Variants in PRC1 observed in about 807,000 individuals in gnomAD.
The protein encoded by PRC1 is protein regulator of cytokinesis 1.
A neutral mutation model predicts 91.2 loss-of-function variants in PRC1; 54 were observed. The ratio of observed to expected loss-of-function variants is 0.59; its 90% CI spans 0.48 to 0.74. The LOEUF is 0.74. Ranked by LOEUF, PRC1 falls within the 30% of genes least tolerant of loss-of-function variation. The pLI is 0.00. For synonymous variants in PRC1, 275 were observed against 263.6 expected, an observed-to-expected ratio of 1.04 and a Z score of -0.42; for missense variants, 727 against 746.2, an observed-to-expected ratio of 0.97 and a Z score of 0.30.
At chr15:90,985,544 AATTT>A (rs1449480070) in intron 1 of PRC1, among the ~76,000 whole-genome samples, 2 of 140,332 alleles carry the variant, frequency 1.4e-5, no homozygotes, top group Admixed American at 1.4e-4. Context: ...TTATTTAATT[AATTT>A]ATTTATTTTT....
At chr15:90,976,593 G>C (rs1050978913) in intron 9 of PRC1, 83 bp downstream of exon 9, 1 of 1,167,808 alleles carries the variant, frequency 8.6e-7, no homozygotes, top group Non-Finnish European at 1.3e-6. Flanking sequence ...TAGTTTTGGG[G>C]CTAAACAATA....
intron 1 of PRC1, among the ~76,000 whole-genome samples, chr15:90,986,668 A>G (rs894014677): frequency 2.7e-5 from 4 of 150,264 alleles, no homozygotes; most frequent in African/African-American, 9.9e-5. Flanking sequence ...CATGATATGG[A>G]TAAAGCTCAA....
chr15:90,967,442 T>G, intron 14 of PRC1: 1 of 543,098 alleles, frequency 1.8e-6, no homozygotes, highest in Non-Finnish European at 3.3e-6. Context: ...CAGTCCATTC[T>G]GTTACACCTC....
chr15:90,972,752 GTCCTC>G (rs960408646), intron 11 of PRC1: 4 of 149,824 alleles, frequency 2.7e-5, no homozygotes, highest in African/African-American at 1.0e-4. Flanking sequence ...AAAAAAAAAA[GTCCTC>G]TCTGACTGTG....
rs150387377 is a variant in PRC1, at chr15:90,983,009, G to A, written c.267+1009C>T. On this transcript the variant is annotated intron_variant, in intron 3 of 14. Coordinates refer to ENST00000394249, the MANE Select transcript of PRC1 (RefSeq NM_003981.4). ...TTTACACAATTTCATTTAACATTGT[G>A]AACTAGGAACATCAGGTAACTTAAG... 1.8e-3 allele frequency among the ~76,000 whole-genome samples: 275 copies of A among 152,126 alleles called. 1 individual carries two copies. The highest frequency in any genetic ancestry group is 3.4e-3 in the Middle Eastern group (1 of 294).
rs1198056420 is a variant in PRC1, at chr15:90,984,978, C to T, written c.12-153G>A. On this transcript the variant is annotated intron_variant, in intron 1 of 14. Coordinates refer to ENST00000394249, the MANE Select transcript of PRC1 (RefSeq NM_003981.4). The surrounding 1 kb of genome is among the most constrained non-coding windows in gnomAD (Gnocchi z 5.1). ...ATTCAGCTTAATTCACCTTTAACCACTCCCCATCCCTTTTCCTACCAAATG... is the reference window on the plus strand; with the variant it reads ...ATTCAGCTTAATTCACCTTTAACCATTCCCCATCCCTTTTCCTACCAAATG... Among the ~76,000 whole-genome samples the T allele has an allele frequency of 6.6e-6, 1 of 152,220 alleles. No homozygotes were observed. The highest frequency in any genetic ancestry group is 1.5e-5 in the Non-Finnish European group (1 of 68,050).
rs1288989340 is a variant in PRC1 at position 90,979,263 on chromosome 15, G to A, written c.1002C>T (p.His334=). ...EDYTESLLQL[H]DAEIVRLKNY... ...TTTTTAACCGCACAATCTCAGCATC[G>A]TGGAGCTGGAGCAGACTTTCTGTGT... Residue 334 remains histidine, a synonymous_variant, in exon 8 of 15, where the codon CAC becomes CAT. Coordinates refer to ENST00000394249, the MANE Select transcript of PRC1 (RefSeq NM_003981.4). 5 of 1,614,114 alleles carry A rather than the reference G, an allele frequency of 3.1e-6. No individual in the cohort carries two copies. In the South Asian group the frequency reaches 3.3e-5, roughly 11 times the overall value.
chr15:90,987,730 C>T (rs541742541), intron 1 of PRC1: 1 of 152,294 alleles, frequency 6.6e-6, no homozygotes, highest in African/African-American at 2.4e-5. Context: ...ATCACCTAAA[C>T]ACTTAAGGTC....
intron 1 of PRC1, among the ~76,000 whole-genome samples, chr15:90,989,116 C>T (rs2039786822): frequency 6.6e-6 from 1 of 152,082 alleles, no homozygotes; most frequent in South Asian, 2.1e-4. Flanking sequence ...TCATAGCCAA[C>T]AGGATGGTAT....
chr15:90,989,979 C>T (rs2039861666), intron 1 of PRC1, among the ~76,000 whole-genome samples: 1 of 152,098 alleles, frequency 6.6e-6, no homozygotes, highest in Admixed American at 6.5e-5. Context: ...GATCCTCCCA[C>T]CTGAGCCTCC....
chr15:90,967,273 TTAAG>T, intron 14 of PRC1, 71 bp from the exon 15 acceptor site: 1 of 1,356,790 alleles, frequency 7.4e-7, no homozygotes, highest in Non-Finnish European at 1.1e-6. Context: ...CTAAGTTTGG[TTAAG>T]TGTCAGCAAA....
In PRC1 at chr15:90,966,162, T is replaced by TA. The variant is rs1306193234; in HGVS notation, c.*968_*969insT. On this transcript the variant is annotated 3_prime_UTR_variant, in exon 15 of 15. Coordinates refer to ENST00000394249, the MANE Select transcript of PRC1 (RefSeq NM_003981.4). The stretch of plus-strand genomic sequence containing the variant: ...ACACCAAGTCCACACTGGTAAGCTT[T>TA]TGAGAACCATTTACACTATGTTGAC... 3 of 161,202 alleles carry TA rather than the reference T, an allele frequency of 1.9e-5. No homozygotes were observed. The highest frequency in any genetic ancestry group is 7.2e-5 in the African/African-American group (3 of 41,690). 10.0% of individuals were successfully genotyped at this position (161,202 alleles called of 1,614,324 possible).
At chr15:90,967,307 T>G in intron 14 of PRC1, 105 bp from the exon 15 acceptor site, 1 of 891,404 alleles carries the variant, frequency 1.1e-6, no homozygotes. Context: ...GAAGGTAGTT[T>G]CTCTGAGATC....
chr15:90,970,633 C>T, intron 11 of PRC1, 119 bp from the exon 12 acceptor site: 1 of 710,432 alleles, frequency 1.4e-6, no homozygotes, highest in Non-Finnish European at 2.5e-6. Context: ...GACGGGTTTA[C>T]ATGGTGAAGG....
intron 9 of PRC1, among the ~76,000 whole-genome samples, chr15:90,975,072 T>G (rs1272012080): frequency 1.3e-5 from 2 of 152,214 alleles, no homozygotes; most frequent in Non-Finnish European, 2.9e-5. Flanking sequence ...GGGTTCAATC[T>G]GGAATCACCC....
intron 11 of PRC1, chr15:90,973,928 G>T (rs2038416423): frequency 3.9e-6 from 2 of 513,938 alleles, no homozygotes. Flanking sequence ...GACCGGTGCT[G>T]GTGCAGGTCC....
chr15:90,993,933 A>T (rs2040133857), intron 1 of PRC1, among the ~76,000 whole-genome samples: 1 of 152,102 alleles, frequency 6.6e-6, no homozygotes, highest in South Asian at 2.1e-4. Context: ...AAAAAAAAGA[A>T]TAAAACAAAG....
chr15:90,982,155 G>C, intron 3 of PRC1, 174 bp from the exon 4 acceptor site: 1 of 625,728 alleles, frequency 1.6e-6, no homozygotes, highest in Non-Finnish European at 2.8e-6. Flanking sequence ...GTCCCAGTGA[G>C]GAAAAGTGAG....
rs950411961 is a variant in PRC1 at position 90,979,152 on chromosome 15, C to T, written c.1107+6G>A. On this transcript the variant is annotated splice_donor_region_variant and intron_variant, in intron 8 of 14. Transcript: ENST00000394249. ...ACAGTTAAAAACACAAAAACTAGGA[C>T]AATACCTCAAACTCTAAGAAAAGCC... 5 of 1,612,142 alleles carry T rather than the reference C, an allele frequency of 3.1e-6. No individual in the cohort carries two copies. Among genetic ancestry groups the T allele is most frequent in the Non-Finnish European group, 4.2e-6 (5 of 1,179,338 alleles).
Sources: gnomAD v4.1 joint callset for allele counts (sites outside exome capture counted in the v4.1 genomes callset) on GRCh38, gnomAD v4.1.1 for gene constraint, Gnocchi (gnomAD v3.1) non-coding constraint, MANE v1.5 for transcripts, NCBI Gene and HGNC (gene_info 2026-07-23, HGNC 2026-07-21) for gene names.